Variants in TRIM21 observed in about 807,000 individuals in gnomAD.
TRIM21 encodes the protein E3 ubiquitin-protein ligase TRIM21.
A neutral mutation model predicts 36.1 loss-of-function variants in TRIM21; 35 were observed. The observed-to-expected ratio is 0.97, with a 90% confidence interval of 0.74 to 1.28. The LOEUF (loss-of-function observed/expected upper bound fraction) is 1.28. Ranked by LOEUF, TRIM21 falls within the 50% of genes most tolerant of loss-of-function variation. The pLI is 0.00. For synonymous variants in TRIM21, 256 were observed against 211.5 expected (o/e 1.21, Z -1.83); for missense variants, 635 against 570.7 (o/e 1.11, Z -1.15).
Position 4,386,160 on chromosome 11 carries a change from C to G in TRIM21, c.856G>C (p.Ala286Pro), listed in dbSNP as rs1384085767. Residue 286 changes from alanine to proline, a missense_variant, in exon 6 of 7, where the codon GCA (alanine) becomes CCA (proline). Physicochemically the swap from Ala to Pro is conservative, Grantham distance 27. Transcript: ENST00000254436. ...PGLKKMLRTC[A>P]VHITLDPDTA... is the part of the protein sequence containing the mutation. ...GCAAAACTAGAACTTGCCTCACCTGCACATGTCCTCAGCATCTTCTTCAGC... is the reference window on the plus strand; with the variant it reads ...GCAAAACTAGAACTTGCCTCACCTGGACATGTCCTCAGCATCTTCTTCAGC... 1.9e-6 allele frequency: 3 copies of G among 1,612,910 alleles called. No homozygotes were observed. Among genetic ancestry groups the G allele is most frequent in the Non-Finnish European group, 1.7e-6 (2 of 1,179,830 alleles).
At chr11:4,388,156 C>CGT in intron 4 of TRIM21, 144 bp downstream of exon 4, 1 of 726,614 alleles carries the variant, frequency 1.4e-6, no homozygotes, top group Admixed American at 3.0e-5. Context: ...GTCTTGAACG[C>CGT]GAACCTTTCA....
rs1022349768 is a variant in TRIM21, at chr11:4,390,308, G to A, written c.102C>T (p.Ser34=). Residue 34 remains serine, a synonymous_variant, in exon 2 of 7, where the codon AGC becomes AGT. Transcript: ENST00000254436. ...VEPVSIECGH[S]FCQECISQVG... ...CCTGAGAGATGCATTCCTGGCAGAA[G>A]CTGTGGCCACACTCGATGCTCACAG... 1.2e-6 allele frequency: 2 copies of A among 1,613,852 alleles called. No individual in the cohort carries two copies. Among genetic ancestry groups the A allele is most frequent in the Admixed American group, 3.3e-5 (2 of 60,002 alleles).
chr11:4,393,557 G>T (rs944511930), intron 1 of TRIM21, 76 bp downstream of exon 1: 3 of 152,652 alleles, frequency 2.0e-5, no homozygotes, highest in African/African-American at 7.2e-5. Flanking sequence ...ACTGGAAGGG[G>T]CTCTGCAACC....
Position 4,385,612 on chromosome 11 carries a change from C to T in TRIM21, c.1101G>A (p.Gly367=), listed in dbSNP as rs1399138130. ...CACTCTTGGAACTAAGCAAAAAGTG[C>T]CCCTTCCTGCGCACAGAGTCTCTGC... ...GVCRDSVRRK[G]HFLLSSKSGF... Residue 367 remains glycine (G), a synonymous_variant, in exon 7 of 7, where the codon GGG becomes GGA. Transcript: ENST00000254436. The T allele has an allele frequency of 5.6e-6, 9 of 1,612,412 alleles. No homozygotes were observed. The highest frequency in any genetic ancestry group is 4.5e-5 in the East Asian group (2 of 44,828).
intron 5 of TRIM21, chr11:4,386,468 A>T (rs923472848): frequency 3.2e-6 from 2 of 618,634 alleles, no homozygotes; most frequent in Non-Finnish European, 5.8e-6. Flanking sequence ...GCTCTGCAGC[A>T]TGTGGACAGT....
chr11:4,390,253 C>T lies in TRIM21; in HGVS notation c.157G>A (p.Val53Met), dbSNP rs1374506305. The change falls in exon 2 of 7, where the codon GTG (valine) becomes ATG (methionine). Residue 53 changes from valine to methionine, a missense_variant. By Grantham distance (21) the Val-to-Met change is conservative. Coordinates refer to ENST00000254436, the MANE Select transcript of TRIM21 (RefSeq NM_003141.4). ...VGKGGGSVCP[V>M]CRQRFLLKNL... is the part of the protein sequence containing the mutation. ...TTGAGCAGAAAGCGCTGCCGGCACA[C>T]AGGACAGACGCTGCCCCCACCTTTC... 1.2e-6 allele frequency: 2 copies of T among 1,613,994 alleles called. No homozygotes were observed. Among genetic ancestry groups the T allele is most frequent in the Middle Eastern group, 1.6e-4 (1 of 6,062 alleles).
At chr11:4,392,566 C>T (rs1037930559) in intron 1 of TRIM21, among the ~76,000 whole-genome samples, 1 of 106,890 alleles carries the variant, frequency 9.4e-6, no homozygotes, top group Admixed American at 8.5e-5. Context: ...GACTCCCTCT[C>T]AAAAACAAAA....
chr11:4,386,195 T>C lies in TRIM21; in HGVS notation c.821A>G (p.His274Arg). 6.2e-7 allele frequency: 1 copy of C among 1,613,788 alleles called. No homozygotes were observed. Among genetic ancestry groups the C allele is most frequent in the Non-Finnish European group, 8.5e-7 (1 of 1,179,876 alleles). The change falls in exon 6 of 7, where the codon CAT (histidine) becomes CGT (arginine). Residue 274 changes from histidine to arginine, a missense_variant. Coordinates refer to ENST00000254436, the MANE Select transcript of TRIM21 (RefSeq NM_003141.4). ...ITSPELRSVC[H>R]VPGLKKMLRT... ...CAGCATCTTCTTCAGCCCTGGCACATGGCACACACTCCTGAGTTCTGGAGA... is the reference window on the plus strand; with the variant it reads ...CAGCATCTTCTTCAGCCCTGGCACACGGCACACACTCCTGAGTTCTGGAGA...
chr11:4,386,159 G>A lies in TRIM21; in HGVS notation c.857C>T (p.Ala286Val). The change falls in exon 6 of 7, where the codon GCA becomes GTA. Residue 286 changes from alanine (A) to valine (V), a missense_variant and splice_region_variant. Ala to Val is a moderately conservative substitution (Grantham distance 64, BLOSUM62 0). Transcript: ENST00000254436. ...CGCAAAACTAGAACTTGCCTCACCT[G>A]CACATGTCCTCAGCATCTTCTTCAG... ...PGLKKMLRTC[A>V]VHITLDPDTA... 2 of 1,612,900 alleles carry A rather than the reference G, an allele frequency of 1.2e-6. No individual in the cohort carries two copies. Among genetic ancestry groups the A allele is most frequent in the Non-Finnish European group, 1.7e-6 (2 of 1,179,784 alleles).
At chr11:4,389,851 T>G in intron 2 of TRIM21, 102 bp from the exon 3 acceptor site, 1 of 1,490,258 alleles carries the variant, frequency 6.7e-7, no homozygotes, top group Non-Finnish European at 9.3e-7. Flanking sequence ...GCCTGGGGAA[T>G]GAGGTTGGGT....
In TRIM21 at chr11:4,386,202, C is replaced by T. The variant is rs200023997; in HGVS notation, c.814G>A (p.Val272Met). The T allele has an allele frequency of 2.0e-4, 328 of 1,613,750 alleles. 1 individual carries two copies. Among genetic ancestry groups the T allele is most frequent in the Non-Finnish European group, 2.6e-4 (303 of 1,179,910 alleles). Residue 272 changes from valine (V) to methionine (M), a missense_variant, in exon 6 of 7, where the codon GTG (valine) becomes ATG (methionine). Val to Met is a conservative substitution (Grantham distance 21). Transcript: ENST00000254436. ...TTCTTCAGCCCTGGCACATGGCACA[C>T]ACTCCTGAGTTCTGGAGAGGTAATA... Reference protein sequence around the residue: ...LDITSPELRSVCHVPGLKKML... With the variant: ...LDITSPELRSMCHVPGLKKML...
chr11:4,388,474 G>GT lies in TRIM21; in HGVS notation c.560dup (p.Asn187LysfsTer5). The GT allele has an allele frequency of 1.2e-6, 2 of 1,613,220 alleles. No individual in the cohort carries two copies. Among genetic ancestry groups the GT allele is most frequent in the Non-Finnish European group, 8.5e-7 (1 of 1,179,884 alleles). On this transcript the variant is annotated frameshift_variant, in exon 4 of 7. Coordinates refer to ENST00000254436, the MANE Select transcript of TRIM21 (RefSeq NM_003141.4). LOFTEE classifies it high-confidence loss of function. ...GCCTCTGTTCTTCTTCAACCAGGAA[G>GT]TTTTTTTGCTGCACAAACTCTGCGT... is the stretch of plus-strand genomic sequence containing the variant.
intron 4 of TRIM21, among the ~76,000 whole-genome samples, chr11:4,387,221 A>T (rs2094957188): frequency 6.6e-6 from 1 of 150,446 alleles, no homozygotes; most frequent in African/African-American, 2.5e-5. Context: ...GGGAAGGGTT[A>T]TCAGTTTCAG....
At chr11:4,390,752 G>T (rs888411582) in intron 1 of TRIM21, among the ~76,000 whole-genome samples, 3 of 152,056 alleles carry the variant, frequency 2.0e-5, no homozygotes, top group African/African-American at 7.2e-5. Context: ...GTAGAATAAA[G>T]AACCCAGAAA....
At position 4,385,011 on chromosome 11, in the gene TRIM21, A is replaced by T. The variant is rs904279077; in HGVS notation, c.*274T>A. The T allele has an allele frequency of 2.5e-6, 1 of 397,408 alleles. No homozygotes were observed. Among genetic ancestry groups the T allele is most frequent in the Non-Finnish European group, 4.5e-6 (1 of 223,738 alleles). 24.6% of individuals were successfully genotyped at this position (397,408 alleles called of 1,614,324 possible). ...CTAGAGATGGAGAGGAGAAAAAAAA[A>T]ACTTAAGTCCCATAAAGAAGGCAGA... On this transcript the variant is annotated 3_prime_UTR_variant, in exon 7 of 7. Coordinates refer to ENST00000254436, the MANE Select transcript of TRIM21 (RefSeq NM_003141.4).
intron 3 of TRIM21, among the ~76,000 whole-genome samples, chr11:4,388,901 C>G (rs1197710322): frequency 6.6e-6 from 1 of 152,130 alleles, no homozygotes; most frequent in Non-Finnish European, 1.5e-5. Flanking sequence ...AAAAAATCAC[C>G]TGTTCCCACC....
intron 4 of TRIM21, 115 bp downstream of exon 4, chr11:4,388,185 C>G (rs1433638418): frequency 3.2e-5 from 29 of 914,110 alleles, no homozygotes; most frequent in Non-Finnish European, 4.6e-5. Flanking sequence ...AATTCTACTT[C>G]ATTTAAGAAC....
chr11:4,386,367 A>C, intron 5 of TRIM21, 110 bp from the exon 6 acceptor site: 1 of 929,048 alleles, frequency 1.1e-6, no homozygotes, highest in Non-Finnish European at 1.7e-6. Context: ...CAAATTTACA[A>C]AGACCTCTGG....
chr11:4,391,023 T>C (rs7947461), intron 1 of TRIM21, among the ~76,000 whole-genome samples: 67,525 of 151,890 alleles, frequency 0.44, 15,717 homozygotes, highest in East Asian at 0.58. Context: ...GGGCAAAGAT[T>C]TCTTTCAAAT....
Sources: allele counts gnomAD v4.1 joint callset (sites outside exome capture counted in the v4.1 genomes callset), GRCh38; gene constraint gnomAD v4.1.1; transcripts MANE v1.5; gene names NCBI Gene and HGNC (gene_info 2026-07-23, HGNC 2026-07-21).